The following KRT13 variants were observed in gnomAD, a reference collection of about 807,000 sequenced individuals.
KRT13 encodes the protein keratin, type I cytoskeletal 13.
Under a neutral mutation model 40.6 loss-of-function variants are expected in KRT13, and 27 were observed. That is an observed-to-expected ratio of 0.67 (90% CI 0.49 to 0.92). The LOEUF is 0.92. Among genes scored for constraint, KRT13 ranks in the 40% least tolerant of loss-of-function variants. The pLI is 0.00. For synonymous variants in KRT13, 266 were observed against 240.3 expected, an observed-to-expected ratio of 1.11 and a Z score of -0.99; for missense variants, 605 against 611.5, an observed-to-expected ratio of 0.99 and a Z score of 0.11.
In KRT13 at chr17:41,501,207, C is replaced by T; in HGVS notation, c.*49G>A. ...TCTCTCCTGCAGGGAACTGCCGGCT[C>T]TCTCCTCCTCTGGGTGCTGAAGACA... On this transcript the variant is annotated 3_prime_UTR_variant, in exon 8 of 8. Coordinates refer to ENST00000246635, the MANE Select transcript of KRT13 (RefSeq NM_153490.3). 2.9e-6 allele frequency: 4 copies of T among 1,373,904 alleles called. No individual in the cohort carries two copies. The highest frequency in any genetic ancestry group is 4.0e-6 in the Non-Finnish European group (4 of 988,644). The allele number at this position is 1,373,904 out of a possible 1,614,324, so 85.1% of individuals were successfully genotyped here. A position where few individuals can be genotyped will look rare whatever the true frequency, so the allele number is the denominator to read the frequency against.
At chr17:41,504,920 T>C (rs1362321440) in intron 1 of KRT13, 136 bp downstream of exon 1, 2 of 952,240 alleles carry the variant, frequency 2.1e-6, no homozygotes, top group African/African-American at 3.3e-5. Context: ...AGACTCTTGG[T>C]AGTCAAACAG....
chr17:41,503,208 C>T lies in KRT13; in HGVS notation c.735+79G>A, dbSNP rs963404406. 1.0e-5 allele frequency: 16 copies of T among 1,606,086 alleles called. No homozygotes were observed. In the African/African-American group the frequency reaches 1.6e-4, roughly 16 times the overall value. ...TGTTTCCAGGTCCCACAGTGGAGGA[C>T]TGTGTCCAGTTGCAGGGGAGGGCTC... is the stretch of plus-strand genomic sequence containing the variant. On this transcript the variant is annotated intron_variant, in intron 3 of 7. Transcript: ENST00000246635.
chr17:41,503,128 G>A (rs1904927764), intron 3 of KRT13, 30 bp from the exon 4 acceptor site: 2 of 1,612,858 alleles, frequency 1.2e-6, no homozygotes, highest in East Asian at 4.5e-5. Context: ...AGATGTGTGA[G>A]GCTACTCATC....
chr17:41,501,869 G>C (rs1597761235), intron 6 of KRT13, 125 bp from the exon 7 acceptor site: 1 of 1,542,486 alleles, frequency 6.5e-7, no homozygotes, highest in South Asian at 1.2e-5. Flanking sequence ...GTGCCTCCTA[G>C]CTGTGCCCCC....
chr17:41,504,905 G>A (rs920064525), intron 1 of KRT13, 151 bp downstream of exon 1: 2 of 816,710 alleles, frequency 2.4e-6, no homozygotes, highest in Non-Finnish European at 3.8e-6. Context: ...GCCCATCAGA[G>A]GTAGAGACTC....
At chr17:41,504,531 C>T (rs1474651084) in intron 1 of KRT13, 1 of 162,118 alleles carries the variant, frequency 6.2e-6, no homozygotes, top group African/African-American at 2.4e-5. Context: ...GCTGGTATCA[C>T]AGCACAACAG....
At position 41,503,319 on chromosome 17, in the gene KRT13, C is replaced by T. The variant is rs1343254903; in HGVS notation, c.703G>A (p.Glu235Lys). The change falls in exon 3 of 8, where the codon GAG (glutamate) becomes AAG (lysine). Residue 235 changes from glutamate (E) to lysine (K), a missense_variant. By Grantham distance (56) the Glu-to-Lys change is moderately conservative (BLOSUM62 1). Transcript: ENST00000246635. ...LEMQIESLNE[E>K]LAYMKKNHEE... ...TGGTTCTTCTTCATGTAGGCTAGCT[C>T]TTCATTCAGGCTCTCGATCTGCATC... 8 of 1,614,128 alleles carry T rather than the reference C, an allele frequency of 5.0e-6. No homozygotes were observed. Among genetic ancestry groups the T allele is most frequent in the Non-Finnish European group, 6.8e-6 (8 of 1,180,054 alleles).
rs1904853640 is a variant in KRT13 at position 41,501,602 on chromosome 17, C to T, written c.1270+117G>A. ...CACTTCCACCCCAGCTCTCCCCCTC[C>T]CTACACTGGAGAGCCCAGCACTGGC... On this transcript the variant is annotated intron_variant, in intron 7 of 7. Coordinates refer to ENST00000246635, the MANE Select transcript of KRT13 (RefSeq NM_153490.3). 3.3e-6 allele frequency: 5 copies of T among 1,512,774 alleles called. No individual in the cohort carries two copies. In the African/African-American group the frequency reaches 6.9e-5, roughly 21 times the overall value. The allele number at this position is 1,512,774 out of a possible 1,614,324, so 93.7% of individuals were successfully genotyped here.
At position 41,502,461 on chromosome 17, in the gene KRT13, T is replaced by C. The variant is rs1904885819; in HGVS notation, c.1157A>G (p.Gln386Arg). ...ELRSEMECQN[Q>R]EYKMLLDIKT... ...GATGTCCAGCAGCATCTTGTACTCT[T>C]GGTTCTGGCACTCCATCTCACTGCG... Residue 386 changes from glutamine (Q) to arginine (R), a missense_variant, in exon 6 of 8, where the codon CAA becomes CGA. Transcript: ENST00000246635. The C allele has an allele frequency of 6.2e-7, 1 of 1,614,108 alleles. No individual in the cohort carries two copies. The highest frequency in any genetic ancestry group is 1.3e-5 in the African/African-American group (1 of 74,936).
chr17:41,505,498 C>T lies in KRT13; in HGVS notation c.53G>A (p.Gly18Asp), dbSNP rs2144508939. ...GCCTCCTCCCAGCTGGCAAGAGCCA[C>T]CCCCGAAACCACCTCCATAGCTGGC... The part of the protein sequence containing the change: ...SSASYGGGFG[G>D]GSCQLGGGRG... The change falls in exon 1 of 8, where the codon GGT becomes GAT. Residue 18 changes from glycine (G) to aspartate (D), a missense_variant. Transcript: ENST00000246635. 6.2e-7 allele frequency: 1 copy of T among 1,614,268 alleles called. No homozygotes were observed. The highest frequency in any genetic ancestry group is 1.3e-5 in the African/African-American group (1 of 75,080).
chr17:41,502,984 T>C lies in KRT13; in HGVS notation c.850A>G (p.Met284Val). The change falls in exon 4 of 8, where the codon ATG (methionine) becomes GTG (valine). Residue 284 changes from methionine (M) to valine (V), a missense_variant. By Grantham distance (21) the Met-to-Val change is conservative (BLOSUM62 1). Transcript: ENST00000246635. ...GCATCCCGGCGGTTCCTCTCTGCCA[T>C]GGCCTCGTACTGCTCCCTCATCTCT... ...LAEMREQYEA[M>V]AERNRRDAEE... The C allele has an allele frequency of 6.2e-7, 1 of 1,614,228 alleles. No homozygotes were observed. The highest frequency in any genetic ancestry group is 8.5e-7 in the Non-Finnish European group (1 of 1,180,042).
chr17:41,502,648 T>G lies in KRT13; in HGVS notation c.1023+39A>C, dbSNP rs759150262. ...GAGGGAGCCAGGCCAGAGGGAAACC[T>G]AGAGGTGGTCGCCACCGGGCAGGAG... On this transcript the variant is annotated intron_variant, in intron 5 of 7. Coordinates refer to ENST00000246635, the MANE Select transcript of KRT13 (RefSeq NM_153490.3). 3.1e-6 allele frequency: 5 copies of G among 1,613,066 alleles called. No homozygotes were observed. The African/African-American group carries it at 6.7e-5, about 22-fold the overall frequency.
chr17:41,505,143 G>A lies in KRT13; in HGVS notation c.408C>T (p.Ile136=). The change falls in exon 1 of 8, where the codon ATC becomes ATT. Residue 136 remains isoleucine (I), a synonymous_variant. Coordinates refer to ENST00000246635, the MANE Select transcript of KRT13 (RefSeq NM_153490.3). ...GGCTCTGCTTCAGGTGCCAGTCACG[G>A]ATCTTCACCTCCAGGTCAGCGTTGG... ...EEANADLEVK[I]RDWHLKQSPA... 2 of 1,614,224 alleles carry A rather than the reference G, an allele frequency of 1.2e-6. No individual in the cohort carries two copies. The highest frequency in any genetic ancestry group is 1.7e-6 in the Non-Finnish European group (2 of 1,180,046).
chr17:41,501,174 G>T lies in KRT13; in HGVS notation c.*82C>A. On this transcript the variant is annotated 3_prime_UTR_variant, in exon 8 of 8. Transcript: ENST00000246635. Reference sequence around the variant, plus strand: ...GAGGGACTGAGCCTTGGGTCCAGCAGCCCCTCCTCTCTCCTGCAGGGAACT... The same window carrying T: ...GAGGGACTGAGCCTTGGGTCCAGCATCCCCTCCTCTCTCCTGCAGGGAACT... The T allele has an allele frequency of 3.0e-6, 3 of 1,012,162 alleles. No homozygotes were observed. Among genetic ancestry groups the T allele is most frequent in the Middle Eastern group, 2.2e-4 (1 of 4,608 alleles). 62.7% of individuals were successfully genotyped at this position (1,012,162 alleles called of 1,614,324 possible).
Position 41,503,062 on chromosome 17 carries a change from C to T in KRT13, c.772G>A (p.Val258Ile), listed in dbSNP as rs1218299372. 3.7e-6 allele frequency: 6 copies of T among 1,614,110 alleles called. No homozygotes were observed. In the Admixed American group the frequency reaches 8.3e-5, roughly 22 times the overall value. ...KEFSNQVVGQ[V>I]NVEMDATPGI... is the part of the protein sequence containing the mutation. The stretch of plus-strand genomic sequence containing the variant: ...GGGGTGGCATCCATCTCCACGTTGA[C>T]CTGGCCGACCACCTGGTTGCTAAAT... Residue 258 changes from valine (V) to isoleucine (I), a missense_variant, in exon 4 of 8, where the codon GTC (valine) becomes ATC (isoleucine). Transcript: ENST00000246635.
chr17:41,501,177 C>T lies in KRT13; in HGVS notation c.*79G>A. ...GGACTGAGCCTTGGGTCCAGCAGCC[C>T]CTCCTCTCTCCTGCAGGGAACTGCC... On this transcript the variant is annotated 3_prime_UTR_variant, in exon 8 of 8. Transcript: ENST00000246635. The T allele has an allele frequency of 9.6e-7, 1 of 1,045,430 alleles. No homozygotes were observed. Among genetic ancestry groups the T allele is most frequent in the Non-Finnish European group, 1.4e-6 (1 of 694,196 alleles). The allele number at this position is 1,045,430 out of a possible 1,614,324, so 64.8% of individuals were successfully genotyped here.
In KRT13 at chr17:41,503,656, C is replaced by T. The variant is rs552715693; in HGVS notation, c.565G>A (p.Asp189Asn). 7 of 1,613,738 alleles carry T rather than the reference C, an allele frequency of 4.3e-6. No individual in the cohort carries two copies. The Admixed American group carries it at 8.3e-5, about 19-fold the overall frequency. ...AAAAAAACTCACTTGAGCCTGAAGT[C>T]GTCCGCAGCCAGCCTGGCATTGTCA... ...EIDNARLAADDFRLKYENELA... is the reference protein window; with the variant it reads ...EIDNARLAADNFRLKYENELA... Residue 189 changes from aspartate to asparagine, a missense_variant, in exon 2 of 8, where the codon GAC (aspartate) becomes AAC (asparagine). Asp to Asn is a conservative substitution (Grantham distance 23). Transcript: ENST00000246635.
chr17:41,505,214 C>G lies in KRT13; in HGVS notation c.337G>C (p.Asp113His). 6.2e-7 allele frequency: 1 copy of G among 1,614,218 alleles called. No homozygotes were observed. Among genetic ancestry groups the G allele is most frequent in the Non-Finnish European group, 8.5e-7 (1 of 1,180,036 alleles). The change falls in exon 1 of 8, where the codon GAC becomes CAC. Residue 113 changes from aspartate (D) to histidine (H), a missense_variant. Physicochemically the swap from Asp to His is moderately conservative, Grantham distance 81. Transcript: ENST00000246635. Reference sequence around the variant, plus strand: ...TTCTCCAGGTAGGAAGCCAGGCGGTCGTTGAGGTTCTGCATGGTGATCTTC... The same window carrying G: ...TTCTCCAGGTAGGAAGCCAGGCGGTGGTTGAGGTTCTGCATGGTGATCTTC... ...NEKITMQNLN[D>H]RLASYLEKVR...
rs2144503182 is a variant in KRT13 at position 41,502,400 on chromosome 17, G to A, written c.1218C>T (p.Arg406=). 2 of 1,614,256 alleles carry A rather than the reference G, an allele frequency of 1.2e-6. No homozygotes were observed. Among genetic ancestry groups the A allele is most frequent in the South Asian group, 1.1e-5 (1 of 91,088 alleles). ...TRLEQEIATY[R]SLLEGQDAKM... ...TGGCGTCCTGGCCCTCGAGCAGGCT[G>A]CGGTAGGTGGCGATCTCCTGCTCCA... Residue 406 remains arginine (R), a synonymous_variant, in exon 6 of 8, where the codon CGC becomes CGT. Transcript: ENST00000246635.
Sources: allele counts gnomAD v4.1 joint callset, GRCh38; gene constraint gnomAD v4.1.1; transcripts MANE v1.5; gene names NCBI Gene and HGNC (gene_info 2026-07-23, HGNC 2026-07-21).